Variants in TOM1L2 observed in about 807,000 individuals in gnomAD.
TOM1L2 encodes TOM1-like protein 2.
In TOM1L2, 31 loss-of-function variants were observed where a neutral mutation model predicts 67.9. That is an observed-to-expected ratio of 0.46 (90% CI 0.34 to 0.62). The LOEUF (loss-of-function observed/expected upper bound fraction) is 0.62, where lower values mean the gene tolerates loss of function less well. Ranked by LOEUF, TOM1L2 falls within the 20% of genes least tolerant of loss-of-function variation. The pLI, the probability that TOM1L2 is intolerant of heterozygous loss-of-function variation, is 0.01. For synonymous variants in TOM1L2, 256 were observed against 254.0 expected, an observed-to-expected ratio of 1.01 and a Z score of -0.07; for missense variants, 606 against 663.5, an observed-to-expected ratio of 0.91 and a Z score of 0.95.
chr17:17,847,327 G>T lies in TOM1L2; in HGVS notation c.*308C>A, dbSNP rs1442669210. The T allele has an allele frequency of 5.2e-6, 2 of 384,512 alleles. No individual in the cohort carries two copies. Among genetic ancestry groups the T allele is most frequent in the Non-Finnish European group, 9.4e-6 (2 of 211,910 alleles). 23.8% of individuals were successfully genotyped at this position (384,512 alleles called of 1,614,324 possible). The stretch of plus-strand genomic sequence containing the variant: ...GGGTGGAGGAAAGACAGTCCGGGTG[G>T]TCTGCTCAGGAAGCACTGCCTGGGG... On this transcript the variant is annotated 3_prime_UTR_variant, in exon 15 of 15. Coordinates refer to ENST00000379504, the MANE Select transcript of TOM1L2 (RefSeq NM_001082968.2).
At chr17:17,907,889 T>A (rs567322554) in intron 1 of TOM1L2, among the ~76,000 whole-genome samples, 60 of 152,346 alleles carry the variant, frequency 3.9e-4, no homozygotes, top group South Asian at 6.2e-4. Context: ...TGTGTGGTCT[T>A]GGGTAAATTA....
intron 6 of TOM1L2, among the ~76,000 whole-genome samples, chr17:17,881,001 T>C (rs564140466): frequency 2.0e-5 from 3 of 152,314 alleles, no homozygotes; most frequent in East Asian, 1.9e-4. Context: ...TCTTCCACTA[T>C]TGCAGCTGTA....
chr17:17,903,273 T>C (rs2038937134), intron 2 of TOM1L2, among the ~76,000 whole-genome samples: 2 of 152,214 alleles, frequency 1.3e-5, no homozygotes, highest in South Asian at 4.1e-4. Flanking sequence ...TTCACTTATT[T>C]AACAAATATT....
chr17:17,881,935 G>A (rs1232881980), intron 6 of TOM1L2, among the ~76,000 whole-genome samples: 2 of 152,138 alleles, frequency 1.3e-5, no homozygotes, highest in African/African-American at 4.8e-5. Context: ...AGTAAATAAG[G>A]ATTTGGTAAA....
chr17:17,881,031 T>C (rs889455628), intron 6 of TOM1L2, among the ~76,000 whole-genome samples: 2 of 152,148 alleles, frequency 1.3e-5, no homozygotes, highest in African/African-American at 4.8e-5. Context: ...CCTGTGTGGG[T>C]GGGCTCTCTC....
rs551967351 is a variant in TOM1L2 at position 17,849,760 on chromosome 17, C to T, written c.1339-901G>A. On this transcript the variant is annotated intron_variant, in intron 13 of 14. Coordinates refer to ENST00000379504, the MANE Select transcript of TOM1L2 (RefSeq NM_001082968.2). Reference sequence around the variant, plus strand: ...TAGCCTTACTGGACACATCCCCTCCCTGTCTGGACCCTGGGGTCCCCCTTA... The same window carrying T: ...TAGCCTTACTGGACACATCCCCTCCTTGTCTGGACCCTGGGGTCCCCCTTA... Among the ~76,000 whole-genome samples, 3 of 152,362 alleles carry T rather than the reference C, an allele frequency of 2.0e-5. No individual in the cohort carries two copies. In the South Asian group the frequency reaches 6.2e-4, roughly 32 times the overall value.
chr17:17,923,700 A>T (rs2039972297), intron 1 of TOM1L2, among the ~76,000 whole-genome samples: 1 of 151,994 alleles, frequency 6.6e-6, no homozygotes, highest in South Asian at 2.1e-4. Flanking sequence ...AAAAGAAAAA[A>T]GTTAAAATTG....
At chr17:17,890,079 G>A (rs1324404957) in intron 4 of TOM1L2, among the ~76,000 whole-genome samples, 1 of 152,210 alleles carries the variant, frequency 6.6e-6, no homozygotes, top group Admixed American at 6.5e-5. Context: ...TGGGGGAATT[G>A]TCAGAGTCTC....
At position 17,882,871 on chromosome 17, in the gene TOM1L2, G is replaced by A. The variant is rs1417690759; in HGVS notation, c.502-8C>T. On this transcript the variant is annotated splice_polypyrimidine_tract_variant and splice_region_variant and intron_variant, in intron 5 of 14. Transcript: ENST00000379504. ...ATCCACTTCAGGGACACTCTGGCATGGCAACAACAAAGTCCTCTGTTTACC... is the reference window on the plus strand; with the variant it reads ...ATCCACTTCAGGGACACTCTGGCATAGCAACAACAAAGTCCTCTGTTTACC... 5.6e-6 allele frequency: 9 copies of A among 1,613,844 alleles called. No homozygotes were observed. The highest frequency in any genetic ancestry group is 5.9e-6 in the Non-Finnish European group (7 of 1,179,822).
rs2035827084 is a variant in TOM1L2 at position 17,849,283 on chromosome 17, C to G, written c.1339-424G>C. 3.9e-5 allele frequency among the ~76,000 whole-genome samples: 6 copies of G among 152,352 alleles called. No individual in the cohort carries two copies. The South Asian group carries it at 1.2e-3, about 32-fold the overall frequency. On this transcript the variant is annotated intron_variant, in intron 13 of 14. Transcript: ENST00000379504. ...TCACGTGTGCCCAACACAACACCCA[C>G]TCACTGCCAGCCACAGGGTTTCTGG...
At chr17:17,854,088 G>A (rs76770797) in intron 12 of TOM1L2, among the ~76,000 whole-genome samples, 2 of 152,298 alleles carry the variant, frequency 1.3e-5, no homozygotes, top group South Asian at 2.1e-4. Context: ...CTTATATAAC[G>A]TAAGCTTAAA....
intron 1 of TOM1L2, among the ~76,000 whole-genome samples, chr17:17,949,617 T>C (rs570813598): frequency 1.3e-5 from 2 of 152,322 alleles, no homozygotes; most frequent in Admixed American, 6.5e-5. Flanking sequence ...AAGCCTCACC[T>C]TGCAGGAGCA....
At chr17:17,897,192 C>T (rs2038619957) in intron 3 of TOM1L2, among the ~76,000 whole-genome samples, 1 of 152,182 alleles carries the variant, frequency 6.6e-6, no homozygotes, top group Admixed American at 6.5e-5. Context: ...AGAGCTCATT[C>T]CCTCGTGATA....
chr17:17,917,952 T>TA lies in TOM1L2; in HGVS notation c.53-10422dup, dbSNP rs556210104. ...CCTGGGCAACACAATGAGGCTGCCT[T>TA]AAAAAAAAACTGTCTTCCCATCTAT... On this transcript the variant is annotated intron_variant, in intron 1 of 14. Transcript: ENST00000379504. 1.5e-3 allele frequency among the ~76,000 whole-genome samples: 222 copies of TA among 151,396 alleles called. 1 individual carries two copies. The highest frequency in any genetic ancestry group is 4.9e-3 in the African/African-American group (204 of 41,302).
At chr17:17,879,008 C>T (rs1231156571) in intron 7 of TOM1L2, among the ~76,000 whole-genome samples, 1 of 152,178 alleles carries the variant, frequency 6.6e-6, no homozygotes, top group Non-Finnish European at 1.5e-5. Flanking sequence ...TCTGCCATGC[C>T]CCCAGATCCA....
intron 4 of TOM1L2, among the ~76,000 whole-genome samples, chr17:17,890,047 GT>G (rs2038195298): frequency 6.6e-6 from 1 of 152,200 alleles, no homozygotes; most frequent in African/African-American, 2.4e-5. Flanking sequence ...TTGTCTCATG[GT>G]GGGAGCAGCA....
rs531667857 is a variant in TOM1L2 at position 17,849,930 on chromosome 17, T to C, written c.1338+963A>G. On this transcript the variant is annotated intron_variant, in intron 13 of 14. Transcript: ENST00000379504. ...TGCCTTCTTTGGCAAGGCATGTGTT[T>C]GGAAAGCTGACCTTCTGGGGAGGAG... is the stretch of plus-strand genomic sequence containing the variant. 1.2e-4 allele frequency among the ~76,000 whole-genome samples: 18 copies of C among 152,320 alleles called. No individual in the cohort carries two copies. In the South Asian group the frequency reaches 3.5e-3, roughly 30 times the overall value.
rs576286385 is a variant in TOM1L2, at chr17:17,898,557, C to G, written c.216+39G>C. 6.8e-6 allele frequency: 11 copies of G among 1,607,634 alleles called. No homozygotes were observed. The Admixed American group carries it at 1.8e-4, about 27-fold the overall frequency. On this transcript the variant is annotated intron_variant, in intron 3 of 14. Coordinates refer to ENST00000379504, the MANE Select transcript of TOM1L2 (RefSeq NM_001082968.2). ...GGGGCAAGGCCAGGAGCAAGGAGTT[C>G]CCCAGATGACTTCTCTCCTCAAGGA...
chr17:17,859,656 A>G (rs9911890), intron 12 of TOM1L2: 137,972 of 152,204 alleles, frequency 0.91, 62,883 homozygotes, highest in African/African-American at 0.98. Context: ...CAAGACGGGC[A>G]GAGTGCCTGA....
Sources: gnomAD v4.1 joint callset for allele counts (sites outside exome capture counted in the v4.1 genomes callset) on GRCh38, gnomAD v4.1.1 for gene constraint, MANE v1.5 for transcripts, NCBI Gene and HGNC (gene_info 2026-07-23, HGNC 2026-07-21) for gene names.